HGD: variants seen among roughly 807,000 people sequenced by gnomAD.
HGD encodes homogentisate 1,2-dioxygenase, also known as homogentisate oxidase.
Under a neutral mutation model 60.8 loss-of-function variants are expected in HGD, and 61 were observed. That is an observed-to-expected ratio of 1.00 (90% CI 0.82 to 1.24). The LOEUF (loss-of-function observed/expected upper bound fraction) is 1.24, where lower values mean the gene tolerates loss of function less well. Ranked by LOEUF, HGD falls within the 50% of genes most tolerant of loss-of-function variation. HGD has a pLI of 0.00. For missense variants in HGD, 542 were observed against 547.1 expected (o/e 0.99, Z 0.09); for synonymous variants, 212 against 187.7 (o/e 1.13, Z -1.06).
chr3:120,634,371 AGAGCAG>A (rs1325253149), intron 12 of HGD, among the ~76,000 whole-genome samples: 5 of 152,296 alleles, frequency 3.3e-5, no homozygotes, highest in Non-Finnish European at 5.9e-5. Context: ...GCAATACCAT[AGAGCAG>A]GAATTAAAGA....
intron 10 of HGD, 140 bp downstream of exon 10, chr3:120,644,179 T>C (rs1941083329): frequency 1.0e-6 from 1 of 964,650 alleles, no homozygotes. Context: ...CTACTAGAAC[T>C]ATTTGCTTTA....
At chr3:120,677,878 C>T (rs571637341) in intron 1 of HGD, 1 of 152,256 alleles carries the variant, frequency 6.6e-6, no homozygotes, top group East Asian at 1.9e-4. Flanking sequence ...TTGGCCGACG[C>T]TTAGGGAAAA....
At chr3:120,657,568 T>C (rs1005848406) in intron 4 of HGD, among the ~76,000 whole-genome samples, 2 of 152,186 alleles carry the variant, frequency 1.3e-5, no homozygotes, top group Non-Finnish European at 2.9e-5. Flanking sequence ...TATCCAAGAA[T>C]TTTGAAGTAA....
chr3:120,670,513 G>T lies in HGD; in HGVS notation c.196C>A (p.Pro66Thr). ...TCAAAGGGCTTGTGAGAAACTGAAG[G>T]TAGAATCCTATACAGCCAGCTAGAG... ...NKRSWLYRIL[P>T]SVSHKPFESI... The change falls in exon 4 of 14, where the codon CCT becomes ACT. Residue 66 changes from proline (P) to threonine (T), a missense_variant. Pro to Thr is a conservative substitution (Grantham distance 38). Around this residue, in one of 2 missense-constraint regions of HGD, gnomAD observed 537 missense variants for 529.1 expected, o/e 1.01. Transcript: ENST00000283871. 1.9e-6 allele frequency: 3 copies of T among 1,601,718 alleles called. No individual in the cohort carries two copies. Among genetic ancestry groups the T allele is most frequent in the African/African-American group, 1.3e-5 (1 of 74,692 alleles).
chr3:120,638,047 A>T (rs1940838540), intron 12 of HGD, among the ~76,000 whole-genome samples: 1 of 152,108 alleles, frequency 6.6e-6, no homozygotes, highest in South Asian at 2.1e-4. Flanking sequence ...GGCTGTTCAA[A>T]AGAAGCTGGG....
chr3:120,638,855 T>C (rs561807687), intron 11 of HGD, among the ~76,000 whole-genome samples: 7 of 152,098 alleles, frequency 4.6e-5, no homozygotes, highest in African/African-American at 1.7e-4. Flanking sequence ...AATCCCCACA[T>C]GTTGTGAGAA....
At position 120,664,258 on chromosome 3, in the gene HGD, GA is replaced by G. The variant is rs545742572; in HGVS notation, c.282+6168del. Among the ~76,000 whole-genome samples, 6 of 152,220 alleles carry G rather than the reference GA, an allele frequency of 3.9e-5. No homozygotes were observed. The East Asian group carries it at 1.2e-3, about 29-fold the overall frequency. ...GTGAGAGGTGAGGTGAGAGAAGACAGATGTGAGAGGGTTGGAGTCTGGGAAA... is the reference window on the plus strand; with the variant it reads ...GTGAGAGGTGAGGTGAGAGAAGACAGTGTGAGAGGGTTGGAGTCTGGGAAA... On this transcript the variant is annotated intron_variant, in intron 4 of 13. Transcript: ENST00000283871.
intron 5 of HGD, among the ~76,000 whole-genome samples, chr3:120,651,068 C>A (rs1941328438): frequency 6.6e-6 from 1 of 152,228 alleles, no homozygotes; most frequent in African/African-American, 2.4e-5. Context: ...ACCCTAGTCT[C>A]CAGCCATGGC....
At chr3:120,659,939 A>ACG (rs1941609643) in intron 4 of HGD, among the ~76,000 whole-genome samples, 2 of 96,380 alleles carry the variant, frequency 2.1e-5, no homozygotes, top group African/African-American at 6.3e-5. Flanking sequence ...GGAGCAAGAG[A>ACG]GAGTGGGGGG....
chr3:120,631,861 C>T (rs1041836667), intron 13 of HGD, among the ~76,000 whole-genome samples: 30 of 152,148 alleles, frequency 2.0e-4, no homozygotes, highest in African/African-American at 7.2e-4. Flanking sequence ...ACTAGTAATT[C>T]AAAGTATTGC....
intron 10 of HGD, among the ~76,000 whole-genome samples, chr3:120,643,909 G>T (rs1238008013): frequency 2.0e-5 from 3 of 152,150 alleles, no homozygotes; most frequent in Non-Finnish European, 4.4e-5. Flanking sequence ...AAATAGGGTG[G>T]TATTGGAGAC....
intron 4 of HGD, among the ~76,000 whole-genome samples, chr3:120,666,057 A>C (rs1707892899): frequency 6.6e-6 from 1 of 152,232 alleles, no homozygotes; most frequent in South Asian, 2.1e-4. Flanking sequence ...AAGAAGGTGT[A>C]AAAGAAAAGA....
intron 4 of HGD, among the ~76,000 whole-genome samples, chr3:120,664,614 A>G (rs1488911440): frequency 6.6e-6 from 1 of 151,808 alleles, no homozygotes; most frequent in East Asian, 1.9e-4. Context: ...ACATTTGTGT[A>G]GAGCCAGGGT....
intron 9 of HGD, among the ~76,000 whole-genome samples, chr3:120,645,460 A>G (rs909078): frequency 5.3e-5 from 8 of 152,084 alleles, no homozygotes; most frequent in African/African-American, 1.9e-4. Context: ...TTTCCCAGCC[A>G]TTTCTTTCAA....
intron 4 of HGD, among the ~76,000 whole-genome samples, chr3:120,653,438 G>C (rs1234344608): frequency 6.6e-6 from 1 of 152,152 alleles, no homozygotes; most frequent in Non-Finnish European, 1.5e-5. Context: ...CTGAAGACTA[G>C]CTCCACTGGC....
chr3:120,638,278 C>T (rs557380780), intron 12 of HGD, among the ~76,000 whole-genome samples, 177 bp downstream of exon 12: 1 of 152,302 alleles, frequency 6.6e-6, no homozygotes, highest in African/African-American at 2.4e-5. Flanking sequence ...AACACAACTA[C>T]CATCCCTTAA....
rs1371695221 is a variant in HGD, at chr3:120,633,567, T to C, written c.1007-239A>G. ...GATTATCAGAGGTCTCGAGTTCCAC[T>C]CTCTGACAGGAATCAGGCTAGATCT... On this transcript the variant is annotated intron_variant, in intron 12 of 13. Transcript: ENST00000283871. 2.8e-6 allele frequency: 4 copies of C among 1,453,758 alleles called. No individual in the cohort carries two copies. The South Asian group carries it at 4.9e-5, about 18-fold the overall frequency. The allele number at this position is 1,453,758 out of a possible 1,614,324, so 90.1% of individuals were successfully genotyped here. A position where few individuals can be genotyped will look rare whatever the true frequency, so the allele number is the denominator to read the frequency against.
intron 1 of HGD, among the ~76,000 whole-genome samples, chr3:120,678,807 G>C (rs1034093265): frequency 6.6e-6 from 1 of 152,148 alleles, no homozygotes; most frequent in Non-Finnish European, 1.5e-5. Flanking sequence ...TGCCCCTCAC[G>C]GCCAAAGGCA....
chr3:120,665,669 C>A (rs369728318), intron 4 of HGD, among the ~76,000 whole-genome samples: 1 of 152,230 alleles, frequency 6.6e-6, no homozygotes, highest in Non-Finnish European at 1.5e-5. Context: ...GGGGGAGCAG[C>A]CCCCAGTCTT....
Sources: gnomAD v4.1 joint callset for allele counts (sites outside exome capture counted in the v4.1 genomes callset) on GRCh38, gnomAD v4.1.1 for gene constraint, gnomAD v4.1.1 regional missense constraint, MANE v1.5 for transcripts, NCBI Gene and HGNC (gene_info 2026-07-23, HGNC 2026-07-21) for gene names.